The following USP48 variants were observed in gnomAD, a reference collection of about 807,000 sequenced individuals.
USP48 encodes the protein ubiquitin carboxyl-terminal hydrolase 48.
Under a neutral mutation model 150.7 loss-of-function variants are expected in USP48, and 43 were observed. The observed-to-expected ratio is 0.29, with a 90% CI of 0.22 to 0.37. The LOEUF (loss-of-function observed/expected upper bound fraction) is 0.37, where lower values mean the gene tolerates loss of function less well. Ranked by LOEUF, USP48 falls within the 10% of genes least tolerant of loss-of-function variation. USP48 has a pLI of 1.00. For synonymous variants in USP48, 396 were observed against 425.9 expected, an observed-to-expected ratio of 0.93 and a Z score of 0.86; for missense variants, 813 against 1,249.6, an observed-to-expected ratio of 0.65 and a Z score of 5.27.
rs146687463 is a variant in USP48, at chr1:21,704,108, G to A, written c.2515+154C>T. On this transcript the variant is annotated intron_variant, in intron 20 of 26. Transcript: ENST00000308271. ...ATCCATTTACTGTCCATAAATAAACGTACAAATAATGGGATGATTATAATG... is the reference window on the plus strand; with the variant it reads ...ATCCATTTACTGTCCATAAATAAACATACAAATAATGGGATGATTATAATG... Among the ~76,000 whole-genome samples the A allele has an allele frequency of 2.6e-3, 395 of 152,206 alleles. 6 individuals are homozygous for A. The highest frequency in any genetic ancestry group is 0.025 in the Admixed American group (378 of 15,292).
intron 14 of USP48, among the ~76,000 whole-genome samples, chr1:21,717,251 A>G (rs1341841084): frequency 2.0e-5 from 3 of 151,554 alleles, no homozygotes; most frequent in Non-Finnish European, 4.4e-5. Context: ...AAAAAGTACA[A>G]AAATTATCTG....
intron 9 of USP48, among the ~76,000 whole-genome samples, chr1:21,732,155 T>C (rs185543104): frequency 3.8e-4 from 58 of 152,212 alleles, no homozygotes; most frequent in Middle Eastern, 3.4e-3. Flanking sequence ...GACGCGCCCC[T>C]CTAATCCTAG....
intron 1 of USP48, among the ~76,000 whole-genome samples, chr1:21,765,771 A>G (rs2097860324): frequency 1.3e-5 from 2 of 152,044 alleles, no homozygotes; most frequent in South Asian, 4.1e-4. Flanking sequence ...CCGTAATCCT[A>G]GCCCTTTGGA....
chr1:21,783,010 G>A lies in USP48; in HGVS notation c.-53C>T. 3 of 1,458,658 alleles carry A rather than the reference G, an allele frequency of 2.1e-6. No individual in the cohort carries two copies. Among genetic ancestry groups the A allele is most frequent in the Middle Eastern group, 2.5e-4 (1 of 4,042 alleles). 90.4% of individuals were successfully genotyped at this position (1,458,658 alleles called of 1,614,324 possible). On this transcript the variant is annotated 5_prime_UTR_variant, in exon 1 of 27. Transcript: ENST00000308271. ...GCCAGACCGCCGCAGCCGCCGCCGC[G>A]GTCTGCACCGCCGCCCCAATGGGCT... is the stretch of plus-strand genomic sequence containing the variant.
At chr1:21,736,253 G>C (rs894646731) in intron 9 of USP48, among the ~76,000 whole-genome samples, 193 bp downstream of exon 9, 2 of 152,176 alleles carry the variant, frequency 1.3e-5, no homozygotes, top group African/African-American at 2.4e-5. Flanking sequence ...GCCTGGGCAA[G>C]AGAGTAAGAA....
At chr1:21,685,515 A>G (rs1010470350) in intron 25 of USP48, among the ~76,000 whole-genome samples, 2 of 152,072 alleles carry the variant, frequency 1.3e-5, no homozygotes, top group Non-Finnish European at 2.9e-5. Flanking sequence ...GGGTTTCGCC[A>G]TGTTGGCCAG....
chr1:21,727,187 A>C (rs1323447591), intron 11 of USP48, among the ~76,000 whole-genome samples: 1 of 152,222 alleles, frequency 6.6e-6, no homozygotes, highest in African/African-American at 2.4e-5. Flanking sequence ...TAAGATTTAG[A>C]AAATGCATAA....
intron 1 of USP48, among the ~76,000 whole-genome samples, chr1:21,777,598 T>A (rs1184816685): frequency 6.6e-6 from 1 of 151,652 alleles, no homozygotes; most frequent in Non-Finnish European, 1.5e-5. Flanking sequence ...GACCAGGAGT[T>A]TAAGGCTACA....
chr1:21,688,025 G>A (rs1157642862), intron 24 of USP48, among the ~76,000 whole-genome samples: 1 of 152,106 alleles, frequency 6.6e-6, no homozygotes, highest in Non-Finnish European at 1.5e-5. Flanking sequence ...CAGAACGGGG[G>A]CTCCAAGGTT....
At chr1:21,774,716 G>A (rs1349670681) in intron 1 of USP48, among the ~76,000 whole-genome samples, 1 of 151,124 alleles carries the variant, frequency 6.6e-6, no homozygotes, top group Non-Finnish European at 1.5e-5. Context: ...GAATAGCCAG[G>A]TGCGGTGGCT....
chr1:21,715,221 T>C (rs984881589), intron 15 of USP48, 168 bp downstream of exon 15: 3 of 533,732 alleles, frequency 5.6e-6, no homozygotes, highest in Non-Finnish European at 6.8e-6. Flanking sequence ...ATGGAACAAG[T>C]GACAAGAAGT....
intron 15 of USP48, among the ~76,000 whole-genome samples, chr1:21,713,735 G>C (rs2097696657): frequency 6.6e-6 from 1 of 152,246 alleles, no homozygotes; most frequent in South Asian, 2.1e-4. Flanking sequence ...CACTCCTTTT[G>C]GCTATTCACC....
intron 7 of USP48, 119 bp downstream of exon 7, chr1:21,748,019 A>G (rs1165191348): frequency 1.8e-6 from 2 of 1,119,436 alleles, no homozygotes; most frequent in African/African-American, 3.2e-5. Flanking sequence ...CTCCATCTAT[A>G]ACTTTCATCC....
At position 21,678,369 on chromosome 1, in the gene USP48, G is replaced by A. The variant is rs192131755; in HGVS notation, c.*1048C>T. On this transcript the variant is annotated 3_prime_UTR_variant, in exon 27 of 27. Coordinates refer to ENST00000308271, the MANE Select transcript of USP48 (RefSeq NM_032236.8). ...TCAATATTCTTAAGAATATTGCTTC[G>A]GTTACGTGTTGCTAAGAATGATAAT... 4.6e-5 allele frequency: 7 copies of A among 150,796 alleles called. No homozygotes were observed. The highest frequency in any genetic ancestry group is 1.9e-4 in the East Asian group (1 of 5,130). The allele number at this position is 150,796 out of a possible 1,614,324, so 9.3% of individuals were successfully genotyped here. A position where few individuals can be genotyped will look rare whatever the true frequency, so the allele number is the denominator to read the frequency against.
At chr1:21,762,780 T>C (rs1396297838) in intron 1 of USP48, among the ~76,000 whole-genome samples, 4 of 150,000 alleles carry the variant, frequency 2.7e-5, no homozygotes, top group Non-Finnish European at 5.9e-5. Flanking sequence ...GCAGGAGAAT[T>C]GCTTGAACCT....
At chr1:21,753,913 A>G (rs2097824341) in intron 3 of USP48, among the ~76,000 whole-genome samples, 1 of 150,038 alleles carries the variant, frequency 6.7e-6, no homozygotes, top group Non-Finnish European at 1.5e-5. Context: ...CTGTAATCCC[A>G]GCACTTTGGG....
chr1:21,741,284 T>C (rs1220810317), intron 8 of USP48, among the ~76,000 whole-genome samples: 1 of 151,406 alleles, frequency 6.6e-6, no homozygotes, highest in Admixed American at 6.6e-5. Context: ...AAAGAAGAGG[T>C]CTTAAAATTA....
chr1:21,685,883 C>G (rs1035678128), intron 25 of USP48: 2 of 145,700 alleles, frequency 1.4e-5, no homozygotes, highest in Non-Finnish European at 2.9e-5. Flanking sequence ...TTGGGAGGCC[C>G]AGGTGGCCAG....
chr1:21,688,791 C>T (rs756942214), intron 24 of USP48, among the ~76,000 whole-genome samples: 10 of 138,282 alleles, frequency 7.2e-5, no homozygotes, highest in Admixed American at 3.2e-4. Flanking sequence ...TGCAGTGAGC[C>T]GAGATTGTGC....
Sources: gnomAD v4.1 joint callset for allele counts (sites outside exome capture counted in the v4.1 genomes callset) on GRCh38, gnomAD v4.1.1 for gene constraint, MANE v1.5 for transcripts, NCBI Gene and HGNC (gene_info 2026-07-23, HGNC 2026-07-21) for gene names.